Variants in PPP3CA observed in about 807,000 individuals in gnomAD.
PPP3CA encodes the protein CAM-PRP catalytic subunit.
PPP3CA carries 14 observed loss-of-function variants against 66.5 expected under a neutral mutation model. The observed-to-expected ratio is 0.21, with a 90% CI of 0.14 to 0.33. The LOEUF is 0.33. Among genes scored for constraint, PPP3CA ranks in the 10% least tolerant of loss-of-function variants. PPP3CA has a pLI of 1.00. For synonymous variants in PPP3CA, 232 were observed against 226.2 expected (o/e 1.03, Z -0.23); for missense variants, 317 against 639.5 (o/e 0.50, Z 5.44).
At chr4:101,158,605 C>A (rs750408120) in intron 2 of PPP3CA, among the ~76,000 whole-genome samples, 19 of 152,128 alleles carry the variant, frequency 1.2e-4, no homozygotes, top group Admixed American at 4.6e-4. Flanking sequence ...TGCCACACGG[C>A]AGGTCTAGGT....
In PPP3CA at chr4:101,291,430, G is replaced by A. The variant is rs117734389; in HGVS notation, c.58+55309C>T. On this transcript the variant is annotated intron_variant, in intron 1 of 13. Coordinates refer to ENST00000394854, the MANE Select transcript of PPP3CA (RefSeq NM_000944.5). ...ATGGTATGCTCATCACTATGTCCTT[G>A]TTCCAGCTCTGGAGTACTTCCTCTG... 6.6e-4 allele frequency among the ~76,000 whole-genome samples: 101 copies of A among 152,124 alleles called. No individual in the cohort carries two copies. In the East Asian group the frequency reaches 0.019, roughly 28 times the overall value.
chr4:101,275,379 C>T (rs1031632194), intron 1 of PPP3CA, among the ~76,000 whole-genome samples: 4 of 152,158 alleles, frequency 2.6e-5, no homozygotes, highest in African/African-American at 4.8e-5. Context: ...TATCTGTAAT[C>T]GCCTATAGAA....
At chr4:101,343,229 G>T (rs187145413) in intron 1 of PPP3CA, among the ~76,000 whole-genome samples, 2 of 152,272 alleles carry the variant, frequency 1.3e-5, no homozygotes, top group East Asian at 3.9e-4. Context: ...CAGAGGGAAG[G>T]TAGGTTAAGA....
chr4:101,035,289 CA>C (rs1727192263), intron 11 of PPP3CA, among the ~76,000 whole-genome samples: 1 of 150,392 alleles, frequency 6.6e-6, no homozygotes, highest in African/African-American at 2.5e-5. Context: ...AACAAAAAAA[CA>C]AAACCCCCCC....
chr4:101,316,827 C>G (rs183110358), intron 1 of PPP3CA, among the ~76,000 whole-genome samples: 8 of 152,236 alleles, frequency 5.3e-5, no homozygotes, highest in African/African-American at 1.7e-4. Context: ...AGTAAGAGGG[C>G]CTTCTTGGCT....
intron 8 of PPP3CA, among the ~76,000 whole-genome samples, chr4:101,079,841 T>C (rs1187864940): frequency 1.3e-5 from 2 of 152,184 alleles, no homozygotes; most frequent in Non-Finnish European, 2.9e-5. Context: ...AATAATGCCC[T>C]CTTGTTTCAT....
chr4:101,198,766 T>C (rs1266219263), intron 1 of PPP3CA, among the ~76,000 whole-genome samples: 1 of 152,184 alleles, frequency 6.6e-6, no homozygotes, highest in Non-Finnish European at 1.5e-5. Context: ...CCAAGATCAC[T>C]GCAATAACAG....
chr4:101,227,112 A>C (rs1219986581), intron 1 of PPP3CA, among the ~76,000 whole-genome samples: 2 of 75,686 alleles, frequency 2.6e-5, no homozygotes, highest in Non-Finnish European at 6.1e-5. Flanking sequence ...GTAGGTGTGT[A>C]CATACACACA....
At position 101,033,275 on chromosome 4, in the gene PPP3CA, G is replaced by GAC. The variant is rs144959971; in HGVS notation, c.1242-913_1242-912dup. On this transcript the variant is annotated intron_variant, in intron 11 of 13. Transcript: ENST00000394854. ...TTGCGTGTATATATACATACATAGA[G>GAC]ACACACACACACACACAAACACACA... Among the ~76,000 whole-genome samples, 34 of 126,914 alleles carry GAC rather than the reference G, an allele frequency of 2.7e-4. No individual in the cohort carries two copies. The East Asian group carries it at 4.9e-3, about 18-fold the overall frequency. The allele number at this position is 126,914 out of a possible 152,430, so 83.3% of individuals were successfully genotyped here.
intron 1 of PPP3CA, among the ~76,000 whole-genome samples, chr4:101,274,420 T>C (rs573186643): frequency 3.7e-4 from 54 of 147,534 alleles, no homozygotes; most frequent in African/African-American, 1.4e-3. Context: ...CAGCTGTTAA[T>C]TGGGCACAAC....
intron 1 of PPP3CA, among the ~76,000 whole-genome samples, chr4:101,220,107 T>C (rs906447504): frequency 1.3e-5 from 2 of 151,796 alleles, no homozygotes; most frequent in African/African-American, 4.8e-5. Flanking sequence ...AGAAAACATA[T>C]TTAACTGCCA....
chr4:101,226,034 CT>C (rs1725771458), intron 1 of PPP3CA, among the ~76,000 whole-genome samples: 2 of 151,690 alleles, frequency 1.3e-5, no homozygotes, highest in East Asian at 3.9e-4. Context: ...GCTGACATCC[CT>C]GAAAATTTGA....
chr4:101,071,864 A>C (rs1231003698), intron 8 of PPP3CA, among the ~76,000 whole-genome samples: 1 of 152,232 alleles, frequency 6.6e-6, no homozygotes, highest in Non-Finnish European at 1.5e-5. Context: ...AGAAATCAAG[A>C]AGGTCATCTG....
chr4:101,270,199 C>T (rs1727293082), intron 1 of PPP3CA, among the ~76,000 whole-genome samples: 1 of 152,092 alleles, frequency 6.6e-6, no homozygotes, highest in East Asian at 1.9e-4. Context: ...TTTAAAGTGG[C>T]TATAGCTACT....
At chr4:101,318,083 T>C (rs1383814094) in intron 1 of PPP3CA, among the ~76,000 whole-genome samples, 1 of 152,244 alleles carries the variant, frequency 6.6e-6, no homozygotes, top group East Asian at 1.9e-4. Flanking sequence ...AACAATTTGG[T>C]AATATAAATT....
intron 10 of PPP3CA, among the ~76,000 whole-genome samples, chr4:101,044,973 A>C (rs1727694635): frequency 6.6e-6 from 1 of 152,222 alleles, no homozygotes; most frequent in Admixed American, 6.5e-5. Context: ...TGCTTGGCTG[A>C]AGAGAGATTC....
chr4:101,333,555 A>G (rs139775708), intron 1 of PPP3CA, among the ~76,000 whole-genome samples: 2 of 152,030 alleles, frequency 1.3e-5, no homozygotes, highest in African/African-American at 4.8e-5. Context: ...TTGACACTGA[A>G]TTTCCGATGT....
chr4:101,280,419 A>C (rs1727642288), intron 1 of PPP3CA, among the ~76,000 whole-genome samples: 1 of 152,200 alleles, frequency 6.6e-6, no homozygotes, highest in African/African-American at 2.4e-5. Flanking sequence ...GGAAAGCAAG[A>C]GTCTGAGTGT....
intron 1 of PPP3CA, among the ~76,000 whole-genome samples, chr4:101,211,203 T>C (rs1325775179): frequency 6.6e-6 from 1 of 152,168 alleles, no homozygotes; most frequent in East Asian, 1.9e-4. Flanking sequence ...TTTGGGGCTG[T>C]GCTTTTAACC....
Sources: allele counts gnomAD v4.1 joint callset (sites outside exome capture counted in the v4.1 genomes callset), GRCh38; gene constraint gnomAD v4.1.1; transcripts MANE v1.5; gene names NCBI Gene and HGNC (gene_info 2026-07-23, HGNC 2026-07-21).